Variants in RBFOX1 observed in about 807,000 individuals in gnomAD.
RBFOX1 encodes the protein RNA binding fox-1 homolog 1, also known as RNA binding protein fox-1 homolog 1.
A neutral mutation model predicts 57.7 loss-of-function variants in RBFOX1; 8 were observed. The observed-to-expected ratio is 0.14, with a 90% CI of 0.08 to 0.25. The LOEUF (loss-of-function observed/expected upper bound fraction) is 0.25. Ranked by LOEUF, RBFOX1 falls within the 10% of genes least tolerant of loss-of-function variation. The probability of loss-of-function intolerance (pLI) is 1.00; values close to 1 mark genes in which losing one functional copy is unlikely to be tolerated. For synonymous variants in RBFOX1, 326 were observed against 222.4 expected (o/e 1.47, Z -4.15); for missense variants, 611 against 548.5 (o/e 1.11, Z -1.14).
chr16:5,556,895 G>A (rs1161706659), intron 2 of RBFOX1, among the ~76,000 whole-genome samples: 1 of 152,102 alleles, frequency 6.6e-6, no homozygotes, highest in East Asian at 1.9e-4. Context: ...TAGGCTCTGG[G>A]GATTTCTGCA....
intron 2 of RBFOX1, among the ~76,000 whole-genome samples, chr16:5,574,074 T>C (rs1029596307): frequency 6.6e-6 from 1 of 152,256 alleles, no homozygotes; most frequent in African/African-American, 2.4e-5. Flanking sequence ...TTGAGATTTT[T>C]ATCTGTTGCT....
At chr16:7,181,275 G>C (rs1214468224) in intron 4 of RBFOX1, among the ~76,000 whole-genome samples, 4 of 152,144 alleles carry the variant, frequency 2.6e-5, no homozygotes, top group Non-Finnish European at 5.9e-5. Flanking sequence ...AGGAGTACCA[G>C]AACTGAATGA....
At chr16:5,315,771 A>C (rs1434181852) in intron 1 of RBFOX1, among the ~76,000 whole-genome samples, 1 of 152,166 alleles carries the variant, frequency 6.6e-6, no homozygotes, top group Non-Finnish European at 1.5e-5. Flanking sequence ...GCTGGGAAGA[A>C]GGTGAGCTCT....
At chr16:6,711,654 G>A (rs951251220) in intron 3 of RBFOX1, among the ~76,000 whole-genome samples, 7 of 152,112 alleles carry the variant, frequency 4.6e-5, no homozygotes, top group East Asian at 1.9e-4. Flanking sequence ...TTCCCCATCC[G>A]TGTGGAACTG....
At chr16:7,524,323 C>G (rs1033487418) in intron 5 of RBFOX1, among the ~76,000 whole-genome samples, 1 of 152,160 alleles carries the variant, frequency 6.6e-6, no homozygotes. Context: ...AAAAGACTTA[C>G]CAGGTCATCC....
intron 1 of RBFOX1, among the ~76,000 whole-genome samples, chr16:5,432,551 G>GTTTTTTTTTTT (rs2067777235): frequency 1.2e-5 from 1 of 83,044 alleles, no homozygotes; most frequent in Non-Finnish European, 2.4e-5. Context: ...TTTTTTTTTT[G>GTTTTTTTTTTT]TTTGTTTGTT....
At chr16:7,364,558 C>G (rs1475477447) in intron 4 of RBFOX1, among the ~76,000 whole-genome samples, 1 of 121,436 alleles carries the variant, frequency 8.2e-6, no homozygotes, top group African/African-American at 3.2e-5. Flanking sequence ...GAGTAGCTCA[C>G]ATGATATCAA....
intron 3 of RBFOX1, among the ~76,000 whole-genome samples, chr16:6,725,631 A>C (rs2067013408): frequency 6.6e-6 from 1 of 152,220 alleles, no homozygotes; most frequent in Non-Finnish European, 1.5e-5. Flanking sequence ...CCTATGGAGT[A>C]GTCATTCTTT....
intron 3 of RBFOX1, among the ~76,000 whole-genome samples, chr16:6,687,659 C>T (rs990108078): frequency 6.6e-6 from 1 of 152,128 alleles, no homozygotes; most frequent in Non-Finnish European, 1.5e-5. Context: ...TCAGGCTGCT[C>T]CTGTTTCATC....
At chr16:6,602,291 G>A (rs1401318611) in intron 2 of RBFOX1, among the ~76,000 whole-genome samples, 3 of 152,114 alleles carry the variant, frequency 2.0e-5, no homozygotes, top group South Asian at 2.1e-4. Flanking sequence ...TCTTTTAATA[G>A]TGTCTTTGAT....
intron 4 of RBFOX1, among the ~76,000 whole-genome samples, chr16:7,261,686 C>T (rs554164318): frequency 6.6e-6 from 1 of 152,298 alleles, no homozygotes; most frequent in South Asian, 2.1e-4. Flanking sequence ...CCAGTCCAAG[C>T]ATCCTTTTCC....
intron 2 of RBFOX1, among the ~76,000 whole-genome samples, chr16:6,334,879 G>A (rs546683670): frequency 1.3e-5 from 2 of 152,296 alleles, no homozygotes; most frequent in African/African-American, 4.8e-5. Flanking sequence ...GTCAAAGAGG[G>A]AGAGATATTT....
chr16:5,472,306 C>T (rs1371363550), intron 2 of RBFOX1, among the ~76,000 whole-genome samples: 1 of 152,094 alleles, frequency 6.6e-6, no homozygotes, highest in East Asian at 1.9e-4. Context: ...TACTGTGTTC[C>T]AGGCACCTTA....
intron 1 of RBFOX1, among the ~76,000 whole-genome samples, chr16:6,139,252 T>A (rs533477064): frequency 3.0e-4 from 45 of 152,234 alleles, no homozygotes; most frequent in African/African-American, 1.0e-3. Context: ...CAACTAAGCA[T>A]GAGGCAACTG....
At chr16:6,477,827 G>A (rs2095298005) in intron 2 of RBFOX1, among the ~76,000 whole-genome samples, 1 of 152,174 alleles carries the variant, frequency 6.6e-6, no homozygotes, top group Non-Finnish European at 1.5e-5. Flanking sequence ...AGTGATCTTA[G>A]CTAGATTTTC....
chr16:7,508,973 A>G (rs1391436429), intron 4 of RBFOX1, among the ~76,000 whole-genome samples: 1 of 152,198 alleles, frequency 6.6e-6, no homozygotes, highest in Non-Finnish European at 1.5e-5. Flanking sequence ...GCAAATAATA[A>G]CTGAAATTAT....
intron 1 of RBFOX1, among the ~76,000 whole-genome samples, chr16:5,343,172 C>G (rs1308786778): frequency 6.6e-6 from 1 of 152,050 alleles, no homozygotes; most frequent in Non-Finnish European, 1.5e-5. Flanking sequence ...ATTGGCTACT[C>G]AAGATGGGAG....
intron 4 of RBFOX1, among the ~76,000 whole-genome samples, chr16:7,109,968 G>A (rs1403207460): frequency 6.6e-6 from 1 of 152,064 alleles, no homozygotes. Flanking sequence ...GGTTATTAAG[G>A]ACACTGCAGA....
chr16:6,767,926 T>TAAGAAGAAGAAG (rs1266863896), intron 3 of RBFOX1, among the ~76,000 whole-genome samples: 14 of 76,412 alleles, frequency 1.8e-4, no homozygotes, highest in African/African-American at 9.3e-4. Context: ...ATAATAATAA[T>TAAGAAGAAGAAG]AATAATAATA....
Sources: gnomAD v4.1 joint callset for allele counts (sites outside exome capture counted in the v4.1 genomes callset) on GRCh38, gnomAD v4.1.1 for gene constraint, MANE v1.5 for transcripts, NCBI Gene and HGNC (gene_info 2026-07-23, HGNC 2026-07-21) for gene names.